Variants in DNAH14 observed in about 807,000 individuals in gnomAD.
DNAH14 encodes the protein axonemal beta dynein heavy chain 14.
Under a neutral mutation model 520.9 loss-of-function variants are expected in DNAH14, and 478 were observed. The observed-to-expected ratio is 0.92, with a 90% CI of 0.85 to 0.99. The LOEUF (loss-of-function observed/expected upper bound fraction) is 0.99. Ranked by LOEUF, DNAH14 falls within the 50% of genes least tolerant of loss-of-function variation. DNAH14 has a pLI of 0.00. For missense variants in DNAH14, 4,831 were observed against 5,234.5 expected (o/e 0.92, Z 2.38); for synonymous variants, 1,581 against 1,757.2 (o/e 0.90, Z 2.51).
chr1:225,303,127 TA>T, intron 56 of DNAH14, 28 bp from the exon 57 acceptor site: 2 of 1,383,752 alleles, frequency 1.4e-6, no homozygotes, highest in Non-Finnish European at 1.9e-6. Flanking sequence ...GATTACATTT[TA>T]ACAATTTATA....
intron 27 of DNAH14, among the ~76,000 whole-genome samples, chr1:225,135,870 G>A (rs979450816): frequency 2.6e-5 from 4 of 151,918 alleles, no homozygotes; most frequent in African/African-American, 9.7e-5. Flanking sequence ...ATTTAGGGTA[G>A]TTATCACTTG....
intron 17 of DNAH14, among the ~76,000 whole-genome samples, chr1:225,066,696 C>T (rs889611794): frequency 4.7e-5 from 7 of 149,446 alleles, no homozygotes; most frequent in South Asian, 2.2e-4. Flanking sequence ...ATTGTTCTTA[C>T]GCCTTTGCAT....
At chr1:225,300,277 C>T (rs904811891) in intron 55 of DNAH14, among the ~76,000 whole-genome samples, 1 of 152,204 alleles carries the variant, frequency 6.6e-6, no homozygotes, top group Non-Finnish European at 1.5e-5. Context: ...TGTACCCACT[C>T]CTCCATACCT....
chr1:225,213,077 AT>A (rs1266250937), intron 41 of DNAH14, among the ~76,000 whole-genome samples: 2 of 152,182 alleles, frequency 1.3e-5, no homozygotes, highest in Non-Finnish European at 2.9e-5. Context: ...TCTTGAATTA[AT>A]TTATGTATAA....
At chr1:225,039,630 T>C (rs969880485) in intron 12 of DNAH14, among the ~76,000 whole-genome samples, 3 of 151,754 alleles carry the variant, frequency 2.0e-5, no homozygotes, top group Non-Finnish European at 4.4e-5. Context: ...TTTCTCTCCG[T>C]TGGTATTATT....
chr1:224,966,612 C>T (rs1334224221), intron 5 of DNAH14, among the ~76,000 whole-genome samples: 1 of 152,154 alleles, frequency 6.6e-6, no homozygotes, highest in Non-Finnish European at 1.5e-5. Context: ...TACAGTCAGA[C>T]TTGGATTCAC....
In DNAH14 at chr1:225,336,091, G is replaced by A. The variant is rs1224494930; in HGVS notation, c.10081-1175G>A. Among the ~76,000 whole-genome samples the A allele has an allele frequency of 1.6e-4, 23 of 146,386 alleles. No individual in the cohort carries two copies. In the East Asian group the frequency reaches 4.1e-3, roughly 26 times the overall value. On this transcript the variant is annotated intron_variant, in intron 66 of 85. Transcript: ENST00000682510. ...CATACATACTTATATATACATATAT[G>A]CTTATACATATATGTATAAGACTAC...
chr1:224,954,420 T>A (rs990664256), intron 2 of DNAH14: 4 of 152,350 alleles, frequency 2.6e-5, no homozygotes, highest in African/African-American at 9.7e-5. Flanking sequence ...TGATCTACCA[T>A]ATAAGTCTAT....
intron 27 of DNAH14, among the ~76,000 whole-genome samples, chr1:225,127,064 T>G (rs544875862): frequency 6.6e-6 from 1 of 151,568 alleles, no homozygotes; most frequent in Admixed American, 6.6e-5. Flanking sequence ...TGCACTGTGG[T>G]CTGAGAGACA....
chr1:225,278,737 T>G (rs988105259), intron 54 of DNAH14, among the ~76,000 whole-genome samples: 1 of 152,218 alleles, frequency 6.6e-6, no homozygotes. Flanking sequence ...CCACAGTGAC[T>G]CTTTTCTTTA....
chr1:225,078,817 TCTCTCTCC>T (rs2072659387), intron 17 of DNAH14, among the ~76,000 whole-genome samples: 1 of 36,746 alleles, frequency 2.7e-5, no homozygotes, highest in East Asian at 6.3e-4. Context: ...TCTCTCTCTC[TCTCTCTCC>T]CTCTCTCTCT....
chr1:225,100,745 A>C lies in DNAH14; in HGVS notation c.3728A>C (p.Gln1243Pro), dbSNP rs1228686336. Reference sequence around the variant, plus strand: ...CCAGCAGAAACAGAACTTTTCTCTCAAGTGATTTCCATGTGGAAAAAAATA... The same window carrying C: ...CCAGCAGAAACAGAACTTTTCTCTCCAGTGATTTCCATGTGGAAAAAAATA... ...QLPAETELFS[Q>P]VISMWKKIMS... Residue 1243 changes from glutamine to proline, a missense_variant, in exon 23 of 86, where the codon CAA (glutamine) becomes CCA (proline). Transcript: ENST00000682510. 1 of 1,523,998 alleles carries C rather than the reference A, an allele frequency of 6.6e-7. No homozygotes were observed. Among genetic ancestry groups the C allele is most frequent in the Non-Finnish European group, 8.8e-7 (1 of 1,139,160 alleles). 94.4% of individuals were successfully genotyped at this position (1,523,998 alleles called of 1,614,324 possible). A position where few individuals can be genotyped will look rare whatever the true frequency, so the allele number is the denominator to read the frequency against.
intron 8 of DNAH14, among the ~76,000 whole-genome samples, chr1:224,982,423 G>A (rs1256689184): frequency 2.0e-5 from 3 of 152,182 alleles, no homozygotes; most frequent in Admixed American, 1.3e-4. Flanking sequence ...CCCAACTGGT[G>A]CCACGTGTGA....
intron 23 of DNAH14, among the ~76,000 whole-genome samples, chr1:225,110,413 T>C (rs1488888799): frequency 1.3e-5 from 2 of 152,072 alleles, no homozygotes; most frequent in Non-Finnish European, 2.9e-5. Context: ...GTAGGTTGTA[T>C]GTGTTTAGGA....
intron 23 of DNAH14, among the ~76,000 whole-genome samples, chr1:225,102,828 C>T (rs1401026550): frequency 2.0e-5 from 3 of 152,124 alleles, no homozygotes; most frequent in Non-Finnish European, 4.4e-5. Context: ...AATTTTCTGC[C>T]ATCCTGTAGG....
chr1:225,058,052 G>A (rs554695103), intron 17 of DNAH14, among the ~76,000 whole-genome samples: 1 of 152,282 alleles, frequency 6.6e-6, no homozygotes, highest in Non-Finnish European at 1.5e-5. Flanking sequence ...CATAAAATGA[G>A]TTAGGGAGGA....
At chr1:225,140,728 T>C (rs12130576) in intron 27 of DNAH14, 40 bp from the exon 28 acceptor site, 1 of 1,308,362 alleles carries the variant, frequency 7.6e-7, no homozygotes, top group Non-Finnish European at 1.1e-6. Context: ...TATATATATA[T>C]AGAGAGAGAT....
rs551890872 is a variant in DNAH14, at chr1:225,171,997, CAG to C, written c.5535+3971_5535+3972del. 6.1e-3 allele frequency among the ~76,000 whole-genome samples: 933 copies of C among 152,288 alleles called. 7 individuals are homozygous for C. Among genetic ancestry groups the C allele is most frequent in the Middle Eastern group, 0.01 (3 of 294 alleles). On this transcript the variant is annotated intron_variant, in intron 36 of 85. Coordinates refer to ENST00000682510, the MANE Select transcript of DNAH14 (RefSeq NM_001367479.1). ...CAATAAACATAATCCAGCATATAAACAGAACCAACGACAAAAACCACATGATT... is the reference window on the plus strand; with the variant it reads ...CAATAAACATAATCCAGCATATAAACAACCAACGACAAAAACCACATGATT...
intron 26 of DNAH14, among the ~76,000 whole-genome samples, chr1:225,119,794 A>T (rs527518662): frequency 6.6e-6 from 1 of 152,338 alleles, no homozygotes; most frequent in South Asian, 2.1e-4. Context: ...ACTTGACTAG[A>T]ACTGTTATAT....
Sources: gnomAD v4.1 joint callset for allele counts (sites outside exome capture counted in the v4.1 genomes callset) on GRCh38, gnomAD v4.1.1 for gene constraint, MANE v1.5 for transcripts, NCBI Gene and HGNC (gene_info 2026-07-23, HGNC 2026-07-21) for gene names.